The following LRIG1 variants were observed in gnomAD, a reference collection of about 807,000 sequenced individuals.
The protein encoded by LRIG1 is leucine-rich repeats and immunoglobulin-like domains protein 1.
A neutral mutation model predicts 99.2 loss-of-function variants in LRIG1; 48 were observed. The ratio of observed to expected loss-of-function variants is 0.48; its 90% CI spans 0.38 to 0.62. The LOEUF is 0.62. LRIG1 is among the 20% of genes least tolerant of loss of function. The pLI is 0.00. For missense variants in LRIG1, 1,646 were observed against 1,434.4 expected (o/e 1.15, Z -2.38); for synonymous variants, 772 against 596.1 (o/e 1.29, Z -4.30).
chr3:66,478,739 CT>C (rs1056301782), intron 1 of LRIG1, among the ~76,000 whole-genome samples: 2 of 152,108 alleles, frequency 1.3e-5, no homozygotes, highest in East Asian at 3.9e-4. Context: ...TACGGGTCAG[CT>C]TTTTTTTCCA....
intron 11 of LRIG1, 25 bp downstream of exon 11, chr3:66,398,087 A>G: frequency 1.3e-6 from 2 of 1,584,402 alleles, no homozygotes; most frequent in Non-Finnish European, 1.7e-6. Context: ...ACCATTAATC[A>G]GACCCAGGGA....
intron 3 of LRIG1, among the ~76,000 whole-genome samples, chr3:66,418,741 G>A (rs569315886): frequency 3.9e-5 from 6 of 152,274 alleles, no homozygotes; most frequent in South Asian, 2.1e-4. Flanking sequence ...ACACTTGACC[G>A]AATCAGTTCC....
chr3:66,407,000 G>A (rs538453723), intron 8 of LRIG1, among the ~76,000 whole-genome samples: 4 of 152,302 alleles, frequency 2.6e-5, no homozygotes, highest in Non-Finnish European at 2.9e-5. Flanking sequence ...CACGGCTGCC[G>A]AACTGGAGGC....
At chr3:66,474,598 G>A (rs578062265) in intron 1 of LRIG1, among the ~76,000 whole-genome samples, 38 of 152,086 alleles carry the variant, frequency 2.5e-4, no homozygotes, top group African/African-American at 6.8e-4. Context: ...CGCCCGCCTC[G>A]GCCTCCCAAA....
rs1404175892 is a variant in LRIG1, at chr3:66,401,636, G to A, written c.1161-2595C>T. ...TCCCCCAGCAGACATATGGGGCTGG[G>A]ACGGGGAGCTGCAGCCAGCAGACTG... On this transcript the variant is annotated intron_variant, in intron 9 of 18. Coordinates refer to ENST00000273261, the MANE Select transcript of LRIG1 (RefSeq NM_015541.3). The A allele has an allele frequency of 3.9e-6, 6 of 1,529,888 alleles. No individual in the cohort carries two copies. The African/African-American group carries it at 8.2e-5, about 21-fold the overall frequency. 94.8% of individuals were successfully genotyped at this position (1,529,888 alleles called of 1,614,324 possible). A position where few individuals can be genotyped will look rare whatever the true frequency, so the allele number is the denominator to read the frequency against.
intron 3 of LRIG1, among the ~76,000 whole-genome samples, chr3:66,451,213 T>C (rs574009664): frequency 7.2e-5 from 11 of 152,162 alleles, no homozygotes; most frequent in African/African-American, 2.6e-4. Context: ...TGCTGTCTTA[T>C]AACTGACACA....
chr3:66,500,065 C>G, intron 1 of LRIG1, 125 bp downstream of exon 1: 1 of 701,472 alleles, frequency 1.4e-6, no homozygotes, highest in Non-Finnish European at 2.2e-6. Flanking sequence ...CCAACACGCA[C>G]AAGCACGCAC....
In LRIG1 at chr3:66,384,269, A is replaced by C; in HGVS notation, c.1793T>G (p.Leu598Trp). Reference protein sequence around the residue: ...SHKARLTVNVLPSFTKTPHDI... With the variant: ...SHKARLTVNVWPSFTKTPHDI... ...GTGGGGCGTTTTGGTGAATGATGGCAACACTGGAAAACATACGTATACAGG... is the reference window on the plus strand; with the variant it reads ...GTGGGGCGTTTTGGTGAATGATGGCCACACTGGAAAACATACGTATACAGG... The change falls in exon 14 of 19, where the codon TTG becomes TGG. Residue 598 changes from leucine to tryptophan, a missense_variant. Transcript: ENST00000273261. 1 of 1,610,330 alleles carries C rather than the reference A, an allele frequency of 6.2e-7. No homozygotes were observed. Among genetic ancestry groups the C allele is most frequent in the Non-Finnish European group, 8.5e-7 (1 of 1,176,852 alleles).
intron 7 of LRIG1, 189 bp downstream of exon 7, chr3:66,409,940 T>C: frequency 1.9e-6 from 1 of 525,728 alleles, no homozygotes; most frequent in Non-Finnish European, 3.3e-6. Flanking sequence ...GAAGGGGAGA[T>C]GAGGAAGGGA....
At chr3:66,489,499 G>A (rs891282924) in intron 1 of LRIG1, among the ~76,000 whole-genome samples, 5 of 150,188 alleles carry the variant, frequency 3.3e-5, no homozygotes, top group African/African-American at 1.2e-4. Flanking sequence ...TCCAACCTGG[G>A]TGACAGAGTG....
chr3:66,379,687 G>C lies in LRIG1; in HGVS notation c.*576C>G, dbSNP rs1423889854. 1 of 152,294 alleles carries C rather than the reference G, an allele frequency of 6.6e-6. No individual in the cohort carries two copies. Among genetic ancestry groups the C allele is most frequent in the African/African-American group, 2.4e-5 (1 of 41,462 alleles). 9.4% of individuals were successfully genotyped at this position (152,294 alleles called of 1,614,324 possible). A position where few individuals can be genotyped will look rare whatever the true frequency, so the allele number is the denominator to read the frequency against. ...ACTTGCACCCCTGGCTCTACAGACAGGGAAGCCTGTTGCAGGGGCATCCAC... is the reference window on the plus strand; with the variant it reads ...ACTTGCACCCCTGGCTCTACAGACACGGAAGCCTGTTGCAGGGGCATCCAC... On this transcript the variant is annotated 3_prime_UTR_variant, in exon 19 of 19. Coordinates refer to ENST00000273261, the MANE Select transcript of LRIG1 (RefSeq NM_015541.3).
intron 1 of LRIG1, among the ~76,000 whole-genome samples, chr3:66,473,135 A>G (rs918263301): frequency 3.3e-5 from 5 of 152,208 alleles, no homozygotes; most frequent in African/African-American, 7.2e-5. Flanking sequence ...TAGGTTTCCT[A>G]TATGTCCTAT....
At chr3:66,471,375 C>T (rs1388429079) in intron 1 of LRIG1, among the ~76,000 whole-genome samples, 2 of 56,570 alleles carry the variant, frequency 3.5e-5, no homozygotes, top group Non-Finnish European at 3.3e-4. Context: ...CACAATAGCC[C>T]CCCTATCCTC....
At chr3:66,398,319 T>C (rs773686501) in intron 10 of LRIG1, 136 bp from the exon 11 acceptor site, 2 of 652,070 alleles carry the variant, frequency 3.1e-6, no homozygotes, top group Non-Finnish European at 5.3e-6. Context: ...TGGCTGTTGT[T>C]TCCCAAATCG....
intron 1 of LRIG1, among the ~76,000 whole-genome samples, chr3:66,486,459 C>A (rs1187128401): frequency 1.3e-5 from 2 of 152,122 alleles, no homozygotes; most frequent in African/African-American, 2.4e-5. Context: ...TCTGAGAAGA[C>A]AAGGACACAA....
intron 1 of LRIG1, among the ~76,000 whole-genome samples, chr3:66,478,157 C>T (rs1700765732): frequency 6.6e-6 from 1 of 152,214 alleles, no homozygotes; most frequent in African/African-American, 2.4e-5. Flanking sequence ...GGACTTTCTG[C>T]ACGTTGCTAC....
intron 1 of LRIG1, among the ~76,000 whole-genome samples, chr3:66,470,652 T>TG: frequency 6.6e-6 from 1 of 152,204 alleles, no homozygotes; most frequent in South Asian, 2.1e-4. Flanking sequence ...CATTAATCTA[T>TG]GGGGCCATTA....
intron 1 of LRIG1, among the ~76,000 whole-genome samples, chr3:66,483,323 G>T (rs1002766375): frequency 1.3e-5 from 2 of 152,230 alleles, no homozygotes; most frequent in African/African-American, 4.8e-5. Context: ...CTGAGGATGG[G>T]GGTGGGGGCC....
chr3:66,398,150 C>A lies in LRIG1; in HGVS notation c.1266G>T (p.Gln422His). 6.2e-7 allele frequency: 1 copy of A among 1,614,148 alleles called. No homozygotes were observed. ...NLGGNAIRSVQFDAFVKMKNL... is the reference protein window; with the variant it reads ...NLGGNAIRSVHFDAFVKMKNL... ...TCTTCATCTTCACAAAGGCATCAAA[C>A]TGGACAGATCTGATCGCATTCCCTC... Residue 422 changes from glutamine (Q) to histidine (H), a missense_variant, in exon 11 of 19, where the codon CAG becomes CAT. Coordinates refer to ENST00000273261, the MANE Select transcript of LRIG1 (RefSeq NM_015541.3).
Sources: gnomAD v4.1 joint callset for allele counts (sites outside exome capture counted in the v4.1 genomes callset) on GRCh38, gnomAD v4.1.1 for gene constraint, MANE v1.5 for transcripts, NCBI Gene and HGNC (gene_info 2026-07-23, HGNC 2026-07-21) for gene names.